The following ZNF831 variants were observed in gnomAD, a reference collection of about 807,000 sequenced individuals.
ZNF831 encodes zinc finger protein 831.
ZNF831 carries 59 observed loss-of-function variants against 95.8 expected under a neutral mutation model. That is an observed-to-expected ratio of 0.62 (90% CI 0.50 to 0.77). The LOEUF is 0.77. Among genes scored for constraint, ZNF831 ranks in the 30% least tolerant of loss-of-function variants. ZNF831 has a pLI of 0.00. For synonymous variants in ZNF831, 961 were observed against 925.5 expected (o/e 1.04, Z -0.70); for missense variants, 2,205 against 2,164.0 (o/e 1.02, Z -0.38).
chr20:59,199,247 A>G (rs1042050225), intron 3 of ZNF831, among the ~76,000 whole-genome samples: 8 of 152,092 alleles, frequency 5.3e-5, no homozygotes, highest in African/African-American at 1.9e-4. Flanking sequence ...TGTAGCAGAG[A>G]TTGCTCTATA....
intron 1 of ZNF831, among the ~76,000 whole-genome samples, chr20:59,135,934 A>G (rs141058222): frequency 1.3e-3 from 202 of 152,308 alleles, no homozygotes; most frequent in African/African-American, 4.7e-3. Context: ...TGATGGCACC[A>G]CTGCACTTCA....
At chr20:59,166,488 T>C (rs1276487345) in intron 1 of ZNF831, among the ~76,000 whole-genome samples, 1 of 152,176 alleles carries the variant, frequency 6.6e-6, no homozygotes, top group African/African-American at 2.4e-5. Context: ...AATCAAAATA[T>C]TGACAGTGAT....
chr20:59,151,868 T>C (rs1428632192), intron 2 of ZNF831, among the ~76,000 whole-genome samples: 1 of 152,182 alleles, frequency 6.6e-6, no homozygotes, highest in Non-Finnish European at 1.5e-5. Context: ...AGCCCCTCTG[T>C]CTAGCGATGC....
rs145898685 is a variant in ZNF831 at position 59,158,591 on chromosome 20, T to A, written c.-1280-1061T>A. On this transcript the variant is annotated intron_variant, in intron 2 of 7. Coordinates refer to the ZNF831 transcript ENST00000637017. ...CCTGGAGGAGTTTGGGCTGGAGAGA[T>A]CAACCCAAACCCAGGCCATCCCTTT... Among the ~76,000 whole-genome samples, 226 of 152,298 alleles carry A rather than the reference T, an allele frequency of 1.5e-3. 6 individuals carry two copies. The East Asian group carries it at 0.035, about 24-fold the overall frequency.
Position 59,191,698 on chromosome 20 carries a change from G to C in ZNF831, c.679G>C (p.Glu227Gln), listed in dbSNP as rs1983548389. Residue 227 changes from glutamate to glutamine, a missense_variant, in exon 2 of 6, where the codon GAG (glutamate) becomes CAG (glutamine). Physicochemically the swap from Glu to Gln is conservative, Grantham distance 29. Coordinates refer to ENST00000371030, the MANE Select transcript of ZNF831 (RefSeq NM_178457.3). ...GDKAGEPPRP[E>Q]GRGESRCQGM... ...CAAGGCCGGAGAGCCCCCCAGACCA[G>C]AGGGCAGGGGCGAGAGCAGGTGCCA... 1.3e-6 allele frequency: 2 copies of C among 1,563,562 alleles called. No homozygotes were observed. Among genetic ancestry groups the C allele is most frequent in the East Asian group, 4.5e-5 (2 of 44,432 alleles).
rs756665018 is a variant in ZNF831 at position 59,193,276 on chromosome 20, G to A, written c.2257G>A (p.Gly753Arg). The A allele has an allele frequency of 1.9e-6, 3 of 1,609,860 alleles. No individual in the cohort carries two copies. Among genetic ancestry groups the A allele is most frequent in the Non-Finnish European group, 2.5e-6 (3 of 1,178,254 alleles). Residue 753 changes from glycine (G) to arginine (R), a missense_variant, in exon 2 of 6, where the codon GGG becomes AGG. Gly to Arg is a moderately radical substitution (Grantham distance 125). Coordinates refer to ENST00000371030, the MANE Select transcript of ZNF831 (RefSeq NM_178457.3). ...TAGGAGCCCCCTGGTCTCTCCAAAT[G>A]GGAGGCTGGAACTGGGGTGGCAGAT... The part of the protein sequence containing the change: ...GSRSPLVSPN[G>R]RLELGWQMPP...
At chr20:59,157,413 G>A (rs1275425541) in intron 2 of ZNF831, among the ~76,000 whole-genome samples, 1 of 152,220 alleles carries the variant, frequency 6.6e-6, no homozygotes, top group Non-Finnish European at 1.5e-5. Context: ...ATGGGATTCT[G>A]AACTCTGGCT....
intron 3 of ZNF831, among the ~76,000 whole-genome samples, chr20:59,203,102 T>A (rs1010716088): frequency 2.0e-5 from 3 of 152,224 alleles, no homozygotes; most frequent in Non-Finnish European, 4.4e-5. Flanking sequence ...TGTCTTTTCA[T>A]GACTTTTTGG....
At chr20:59,133,629 G>A (rs1178743822) in intron 1 of ZNF831, among the ~76,000 whole-genome samples, 2 of 152,200 alleles carry the variant, frequency 1.3e-5, no homozygotes, top group East Asian at 3.9e-4. Flanking sequence ...GTAGGGCTGG[G>A]GACACAACAA....
At chr20:59,195,562 C>T (rs910667899) in intron 2 of ZNF831, among the ~76,000 whole-genome samples, 4 of 151,950 alleles carry the variant, frequency 2.6e-5, no homozygotes, top group African/African-American at 7.3e-5. Context: ...TGTGGGGGCT[C>T]CCGGGGAGGT....
At chr20:59,242,206 GAT>G (rs1987376847) in intron 4 of ZNF831, among the ~76,000 whole-genome samples, 1 of 152,172 alleles carries the variant, frequency 6.6e-6, no homozygotes, top group African/African-American at 2.4e-5. Context: ...GAGAAGGGGA[GAT>G]CTTTCTTCCC....
At chr20:59,238,030 T>C (rs1160009549) in intron 4 of ZNF831, among the ~76,000 whole-genome samples, 1 of 152,204 alleles carries the variant, frequency 6.6e-6, no homozygotes, top group Non-Finnish European at 1.5e-5. Context: ...TAAAAATGAT[T>C]TGTTGTTCAC....
intron 4 of ZNF831, among the ~76,000 whole-genome samples, chr20:59,250,527 G>A (rs1165672154): frequency 2.6e-5 from 4 of 152,138 alleles, no homozygotes; most frequent in Non-Finnish European, 4.4e-5. Context: ...CATAAGCAGC[G>A]AAGATTGCTG....
intron 1 of ZNF831, among the ~76,000 whole-genome samples, chr20:59,138,713 C>T (rs1480456819): frequency 6.6e-6 from 1 of 152,192 alleles, no homozygotes; most frequent in Non-Finnish European, 1.5e-5. Flanking sequence ...TTTGCCATGG[C>T]AACTGGAGAT....
intron 1 of ZNF831, among the ~76,000 whole-genome samples, chr20:59,140,286 G>A (rs1979636913): frequency 6.6e-6 from 1 of 152,146 alleles, no homozygotes; most frequent in South Asian, 2.1e-4. Context: ...GGACTCAGAG[G>A]CTACCGTGAT....
chr20:59,187,072 G>A (rs529138386), intron 1 of ZNF831, among the ~76,000 whole-genome samples: 3 of 152,206 alleles, frequency 2.0e-5, no homozygotes, highest in South Asian at 2.1e-4. Context: ...GAGGTGTGAC[G>A]TTCCACACTG....
Position 59,130,742 on chromosome 20 carries a change from C to A in ZNF831, c.-1425+7237C>A, listed in dbSNP as rs114928668. 8.8e-3 allele frequency among the ~76,000 whole-genome samples: 1,347 copies of A among 152,236 alleles called. 13 individuals carry two copies. Among genetic ancestry groups the A allele is most frequent in the African/African-American group, 0.031 (1,267 of 41,512 alleles). Reference sequence around the variant, plus strand: ...ACCCTGGGTATGGACACATCTGTGCCTTTGGTGTTTAATGGATATTCTGAA... The same window carrying A: ...ACCCTGGGTATGGACACATCTGTGCATTTGGTGTTTAATGGATATTCTGAA... On this transcript the variant is annotated intron_variant, in intron 1 of 7. Coordinates refer to the ZNF831 transcript ENST00000637017.
chr20:59,177,778 G>T (rs552474504), intron 1 of ZNF831, among the ~76,000 whole-genome samples: 6 of 152,208 alleles, frequency 3.9e-5, no homozygotes, highest in African/African-American at 1.4e-4. Flanking sequence ...CAGAAGCAGA[G>T]CAGAAGCGTG....
chr20:59,202,429 CACATATGTTAACTT>C (rs1984603812), intron 3 of ZNF831, among the ~76,000 whole-genome samples: 2 of 149,640 alleles, frequency 1.3e-5, no homozygotes, highest in Admixed American at 1.3e-4. Context: ...TATTTGCTCT[CACATATGTTAACTT>C]ATTTCCTTGT....
Sources: allele counts gnomAD v4.1 joint callset (sites outside exome capture counted in the v4.1 genomes callset), GRCh38; gene constraint gnomAD v4.1.1; transcripts MANE v1.5; gene names NCBI Gene and HGNC (gene_info 2026-07-23, HGNC 2026-07-21).